The following MGA variants were observed in gnomAD, a reference collection of about 807,000 sequenced individuals.
MGA encodes the protein MAX dimerization protein MGA.
In MGA, 40 loss-of-function variants were observed where a neutral mutation model predicts 261.1. The observed-to-expected ratio is 0.15, with a 90% CI of 0.12 to 0.20. The LOEUF (loss-of-function observed/expected upper bound fraction) is 0.20. MGA is among the 10% of genes least tolerant of loss of function. MGA has a pLI of 1.00. For synonymous variants in MGA, 1,302 were observed against 1,290.6 expected, an observed-to-expected ratio of 1.01 and a Z score of -0.19; for missense variants, 3,397 against 3,630.5, an observed-to-expected ratio of 0.94 and a Z score of 1.65.
intron 13 of MGA, among the ~76,000 whole-genome samples, chr15:41,739,290 C>T (rs1291929725): frequency 6.6e-6 from 1 of 152,074 alleles, no homozygotes; most frequent in South Asian, 2.1e-4. Flanking sequence ...AGAATGAGTT[C>T]GTACCAACAT....
Position 41,750,245 on chromosome 15 carries a change from A to G in MGA, c.6638A>G (p.Asp2213Gly), listed in dbSNP as rs376734648. Residue 2213 changes from aspartate to glycine, a missense_variant, in exon 17 of 24, where the codon GAT (aspartate) becomes GGT (glycine). Transcript: ENST00000219905. ...ACAAAGACATGTCAGGAAAATTCAGATGTGTTTCAGCAAGAACAAGGCATC... is the reference window on the plus strand; with the variant it reads ...ACAAAGACATGTCAGGAAAATTCAGGTGTGTTTCAGCAAGAACAAGGCATC... 1 of 1,613,852 alleles carries G rather than the reference A, an allele frequency of 6.2e-7. No homozygotes were observed. Among genetic ancestry groups the G allele is most frequent in the Non-Finnish European group, 8.5e-7 (1 of 1,179,894 alleles).
At chr15:41,704,253 T>C (rs573846043) in intron 5 of MGA, among the ~76,000 whole-genome samples, 1 of 152,114 alleles carries the variant, frequency 6.6e-6, no homozygotes, top group East Asian at 1.9e-4. Flanking sequence ...CAGTTTTGCC[T>C]AGGCTTGTCT....
intron 18 of MGA, among the ~76,000 whole-genome samples, chr15:41,756,866 T>G (rs2063180047): frequency 6.6e-6 from 1 of 152,152 alleles, no homozygotes; most frequent in African/African-American, 2.4e-5. Flanking sequence ...AGTTCTGGGA[T>G]TACAGGCATT....
chr15:41,694,956 T>C (rs2059479576), intron 2 of MGA, among the ~76,000 whole-genome samples: 1 of 152,152 alleles, frequency 6.6e-6, no homozygotes, highest in Non-Finnish European at 1.5e-5. Flanking sequence ...TTTTCAGTCA[T>C]AGGCTTTGAA....
Position 41,749,859 on chromosome 15 carries a change from G to A in MGA, c.6252G>A (p.Leu2084=), listed in dbSNP as rs2151917729. Residue 2084 remains leucine (L), a synonymous_variant, in exon 17 of 24, where the codon CTG becomes CTA. Coordinates refer to ENST00000219905, the MANE Select transcript of MGA (RefSeq NM_001164273.2). ...GTTCCAAAGAAAAAGTGGCTGTTCT[G>A]GAAGTTAGGACCATTTCTGAAAAAG... 1 of 1,613,878 alleles carries A rather than the reference G, an allele frequency of 6.2e-7. No homozygotes were observed. The highest frequency in any genetic ancestry group is 8.5e-7 in the Non-Finnish European group (1 of 1,179,882).
chr15:41,689,959 C>A (rs936431458), intron 2 of MGA, among the ~76,000 whole-genome samples: 2 of 152,216 alleles, frequency 1.3e-5, no homozygotes, highest in Non-Finnish European at 2.9e-5. Context: ...CACCTACCAA[C>A]TGAAAGTGTA....
At position 41,625,437 on chromosome 15, in the gene MGA, G is replaced by GT. The variant is rs11304349; in HGVS notation, c.-68+4153dup. On this transcript the variant is annotated intron_variant, in intron 1 of 8. Coordinates refer to the MGA transcript ENST00000566718. ...ACAGGAGGATTCCTTGAGGCCGGGA[G>GT]TTTTTTTTTTTTTTGAATCTTTACA... Among the ~76,000 whole-genome samples the GT allele has an allele frequency of 8.6e-3, 1,227 of 143,066 alleles. 9 individuals are homozygous for GT. The highest frequency in any genetic ancestry group is 0.023 in the African/African-American group (894 of 39,050). The allele number at this position is 143,066 out of a possible 152,430, so 93.9% of individuals were successfully genotyped here.
chr15:41,718,075 A>G (rs1203993459), intron 9 of MGA, among the ~76,000 whole-genome samples: 2 of 151,592 alleles, frequency 1.3e-5, no homozygotes, highest in African/African-American at 4.8e-5. Flanking sequence ...TAATTAGTAA[A>G]TATGTCCATA....
At chr15:41,719,439 C>T (rs1043681294) in intron 9 of MGA, among the ~76,000 whole-genome samples, 7 of 152,072 alleles carry the variant, frequency 4.6e-5, no homozygotes, top group African/African-American at 1.7e-4. Context: ...GTCCAAACAA[C>T]TTTGATAAAG....
At chr15:41,678,758 C>G (rs1384399831) in intron 2 of MGA, among the ~76,000 whole-genome samples, 5 of 103,938 alleles carry the variant, frequency 4.8e-5, no homozygotes, top group Non-Finnish European at 8.7e-5. Context: ...CAGAGCAAGA[C>G]TCCATCTCAA....
intron 2 of MGA, among the ~76,000 whole-genome samples, chr15:41,681,025 T>C (rs1183278701): frequency 2.6e-5 from 4 of 152,216 alleles, no homozygotes; most frequent in Non-Finnish European, 5.9e-5. Flanking sequence ...AGTGGGTTCA[T>C]GAATGACAGT....
At chr15:41,707,387 C>T (rs912382075) in intron 5 of MGA, among the ~76,000 whole-genome samples, 1 of 152,156 alleles carries the variant, frequency 6.6e-6, no homozygotes, top group Admixed American at 6.5e-5. Context: ...CATTGCAGCT[C>T]CAGCAAGATG....
chr15:41,677,459 A>G (rs1288500251), intron 2 of MGA, among the ~76,000 whole-genome samples: 2 of 152,160 alleles, frequency 1.3e-5, no homozygotes, highest in African/African-American at 2.4e-5. Context: ...TTTCGGGTAT[A>G]TACCTAGAAG....
intron 2 of MGA, among the ~76,000 whole-genome samples, chr15:41,676,506 A>G (rs2058385955): frequency 6.6e-6 from 1 of 152,254 alleles, no homozygotes; most frequent in African/African-American, 2.4e-5. Context: ...ATATTAGACA[A>G]ATATGAACAG....
chr15:41,625,762 G>A (rs1566919500), intron 1 of MGA, among the ~76,000 whole-genome samples: 2 of 152,032 alleles, frequency 1.3e-5, no homozygotes, highest in Non-Finnish European at 2.9e-5. Context: ...CTTTATAGAG[G>A]GGGGTACTTT....
intron 9 of MGA, among the ~76,000 whole-genome samples, chr15:41,722,361 C>T (rs2060994093): frequency 1.3e-5 from 2 of 152,050 alleles, no homozygotes; most frequent in Non-Finnish European, 2.9e-5. Context: ...AATCTGCTGA[C>T]CTCGTGATCC....
chr15:41,749,986 T>C lies in MGA; in HGVS notation c.6379T>C (p.Ser2127Pro). 1 of 1,612,194 alleles carries C rather than the reference T, an allele frequency of 6.2e-7. No individual in the cohort carries two copies. The highest frequency in any genetic ancestry group is 8.5e-7 in the Non-Finnish European group (1 of 1,179,438). The stretch of plus-strand genomic sequence containing the variant: ...AGGATTTGACAATCCAGAAGAAAAC[T>C]CAAGTGAATTTCCAGTCACCTTTAA... Residue 2127 changes from serine to proline, a missense_variant, in exon 17 of 24, where the codon TCA (serine) becomes CCA (proline). This residue lies in a region of MGA where 1,410 missense variants were observed against 1,386.4 expected (regional missense o/e 1.02). Transcript: ENST00000219905.
In MGA at chr15:41,669,418, C is replaced by G. The variant is rs1390130824; in HGVS notation, c.524C>G (p.Ser175Cys). 1 of 1,613,934 alleles carries G rather than the reference C, an allele frequency of 6.2e-7. No homozygotes were observed. Among genetic ancestry groups the G allele is most frequent in the Non-Finnish European group, 8.5e-7 (1 of 1,179,882 alleles). The change falls in exon 2 of 24, where the codon TCT becomes TGT. Residue 175 changes from serine to cysteine, a missense_variant. Around this residue, in one of 9 missense-constraint regions of MGA, gnomAD observed 104 missense variants for 212.9 expected, o/e 0.49. Coordinates refer to ENST00000219905, the MANE Select transcript of MGA (RefSeq NM_001164273.2). ...CATTATTGGATGCATCAACCAGTAT[C>G]TTTCTATAAACTCAAACTTACCAAC...
intron 1 of MGA, among the ~76,000 whole-genome samples, chr15:41,649,627 G>A (rs1384121243): frequency 6.6e-6 from 1 of 152,064 alleles, no homozygotes; most frequent in African/African-American, 2.4e-5. Context: ...ATGGAGAAAA[G>A]TCTTACTGGG....
Sources: gnomAD v4.1 joint callset for allele counts (sites outside exome capture counted in the v4.1 genomes callset) on GRCh38, gnomAD v4.1.1 for gene constraint, gnomAD v4.1.1 regional missense constraint, MANE v1.5 for transcripts, NCBI Gene and HGNC (gene_info 2026-07-23, HGNC 2026-07-21) for gene names.